The following CDKAL1 variants were observed in gnomAD, a reference collection of about 807,000 sequenced individuals.
The protein encoded by CDKAL1 is CDKAL1 threonylcarbamoyladenosine tRNA methylthiotransferase.
CDKAL1 carries 32 observed loss-of-function variants against 68.2 expected under a neutral mutation model. The ratio of observed to expected loss-of-function variants is 0.47; its 90% confidence interval spans 0.35 to 0.63. The LOEUF is 0.63. CDKAL1 is among the 30% of genes least tolerant of loss of function. CDKAL1 has a pLI of 0.00. For synonymous variants in CDKAL1, 234 were observed against 244.3 expected, an observed-to-expected ratio of 0.96 and a Z score of 0.39; for missense variants, 606 against 696.7, an observed-to-expected ratio of 0.87 and a Z score of 1.47.
chr6:20,812,120 T>A (rs1253948916), intron 8 of CDKAL1, among the ~76,000 whole-genome samples: 5 of 152,340 alleles, frequency 3.3e-5, no homozygotes, highest in South Asian at 4.1e-4. Context: ...AGAATTTTTT[T>A]AAAAATTTGG....
At chr6:21,167,822 G>A (rs1436900376) in intron 13 of CDKAL1, among the ~76,000 whole-genome samples, 1 of 152,160 alleles carries the variant, frequency 6.6e-6, no homozygotes, top group Non-Finnish European at 1.5e-5. Flanking sequence ...TACTCAAGGA[G>A]ACACAAGGCA....
intron 6 of CDKAL1, among the ~76,000 whole-genome samples, chr6:20,755,448 A>T (rs1774127167): frequency 1.3e-5 from 2 of 148,922 alleles, no homozygotes; most frequent in Non-Finnish European, 1.5e-5. Context: ...TTTCCCCTTC[A>T]TTTTTTTCTT....
intron 12 of CDKAL1, among the ~76,000 whole-genome samples, chr6:21,103,433 A>G (rs1411502479): frequency 4.3e-5 from 4 of 93,182 alleles, no homozygotes; most frequent in East Asian, 3.4e-4. Flanking sequence ...AAACTTGAGT[A>G]TAAGAAAAAA....
At chr6:20,808,729 G>A (rs1776674898) in intron 8 of CDKAL1, among the ~76,000 whole-genome samples, 1 of 152,056 alleles carries the variant, frequency 6.6e-6, no homozygotes, top group Non-Finnish European at 1.5e-5. Flanking sequence ...ATTAGTATGA[G>A]GTAGTAACAG....
intron 4 of CDKAL1, among the ~76,000 whole-genome samples, chr6:20,551,471 C>T (rs1027045692): frequency 2.7e-5 from 4 of 150,626 alleles, no homozygotes; most frequent in Admixed American, 1.3e-4. Flanking sequence ...GGGTTCATGT[C>T]GTTCTCCTGC....
chr6:20,537,592 G>A (rs1763224903), intron 2 of CDKAL1, among the ~76,000 whole-genome samples: 1 of 144,410 alleles, frequency 6.9e-6, no homozygotes, highest in Non-Finnish European at 1.5e-5. Flanking sequence ...GGCAGCAAGA[G>A]TGAAACTCTG....
chr6:20,873,281 GA>G (rs1394060914), intron 9 of CDKAL1, among the ~76,000 whole-genome samples: 2 of 152,138 alleles, frequency 1.3e-5, no homozygotes, highest in Admixed American at 1.3e-4. Flanking sequence ...AATTACCTAG[GA>G]AGCTTATCAA....
chr6:21,222,465 C>G (rs1779574035), intron 15 of CDKAL1, among the ~76,000 whole-genome samples: 1 of 152,168 alleles, frequency 6.6e-6, no homozygotes, highest in African/African-American at 2.4e-5. Context: ...ATTTGTTGAT[C>G]CTGTTACATT....
chr6:20,642,016 C>T (rs1254602890), intron 4 of CDKAL1, among the ~76,000 whole-genome samples: 5 of 152,276 alleles, frequency 3.3e-5, no homozygotes, highest in African/African-American at 1.2e-4. Context: ...TTTGCTTGCA[C>T]TGGATAGTAT....
At chr6:20,579,750 C>T (rs993959986) in intron 4 of CDKAL1, among the ~76,000 whole-genome samples, 5 of 152,198 alleles carry the variant, frequency 3.3e-5, no homozygotes, top group African/African-American at 1.2e-4. Flanking sequence ...CTAACATGCT[C>T]CTCATTCGTC....
Position 20,610,984 on chromosome 6 carries a change from CT to C in CDKAL1, c.287-38308del, listed in dbSNP as rs555020615. Among the ~76,000 whole-genome samples, 93 of 152,244 alleles carry C rather than the reference CT, an allele frequency of 6.1e-4. 1 individual carries two copies. Among genetic ancestry groups the C allele is most frequent in the Admixed American group, 6.0e-3 (91 of 15,282 alleles). On this transcript the variant is annotated intron_variant, in intron 4 of 15. Coordinates refer to ENST00000274695, the MANE Select transcript of CDKAL1 (RefSeq NM_017774.3). Reference sequence around the variant, plus strand: ...ACCACCACGCCTGACTAGAATGGGTCTAAATGTTTAGATTCAAAGTCATTTT... The same window carrying C: ...ACCACCACGCCTGACTAGAATGGGTCAAATGTTTAGATTCAAAGTCATTTT...
At chr6:20,797,049 CT>C (rs1022830297) in intron 8 of CDKAL1, among the ~76,000 whole-genome samples, 2 of 152,152 alleles carry the variant, frequency 1.3e-5, no homozygotes. Flanking sequence ...AAATTAACAA[CT>C]TTTGCTCTGT....
intron 8 of CDKAL1, among the ~76,000 whole-genome samples, chr6:20,781,758 ACCTTGATTTAAAGT>A (rs1161356367): frequency 3.3e-5 from 5 of 151,644 alleles, no homozygotes; most frequent in Non-Finnish European, 7.4e-5. Context: ...TAATTTCCAC[ACCTTGATTTAAAGT>A]CCTTGATTAT....
intron 13 of CDKAL1, among the ~76,000 whole-genome samples, chr6:21,141,374 C>T (rs1416111981): frequency 6.6e-6 from 1 of 152,198 alleles, no homozygotes. Context: ...GGCATCTTTA[C>T]GTGCCTTCAA....
intron 8 of CDKAL1, among the ~76,000 whole-genome samples, chr6:20,792,636 T>C (rs535465779): frequency 2.1e-4 from 32 of 152,334 alleles, no homozygotes; most frequent in African/African-American, 7.5e-4. Flanking sequence ...TGGATTTATT[T>C]ATTTAGGACC....
chr6:20,820,418 T>C (rs1166909642), intron 8 of CDKAL1, among the ~76,000 whole-genome samples: 1 of 152,158 alleles, frequency 6.6e-6, no homozygotes, highest in Non-Finnish European at 1.5e-5. Flanking sequence ...TAAGGACTTA[T>C]ATTATTCTGA....
intron 9 of CDKAL1, among the ~76,000 whole-genome samples, chr6:20,912,494 T>C (rs1762511603): frequency 6.6e-6 from 1 of 152,174 alleles, no homozygotes; most frequent in African/African-American, 2.4e-5. Context: ...GTGGAGTTGA[T>C]GCCCTGATTC....
chr6:20,949,120 T>C (rs1764402114), intron 9 of CDKAL1, among the ~76,000 whole-genome samples: 1 of 152,158 alleles, frequency 6.6e-6, no homozygotes, highest in East Asian at 1.9e-4. Flanking sequence ...CAATAAAAAA[T>C]AGTGTTAAAG....
intron 15 of CDKAL1, among the ~76,000 whole-genome samples, chr6:21,223,693 G>T (rs1779619361): frequency 6.6e-6 from 1 of 152,032 alleles, no homozygotes; most frequent in Non-Finnish European, 1.5e-5. Context: ...AAGTAGAAAT[G>T]CAAATACCAG....
Sources: allele counts gnomAD v4.1 joint callset (sites outside exome capture counted in the v4.1 genomes callset), GRCh38; gene constraint gnomAD v4.1.1; transcripts MANE v1.5; gene names NCBI Gene and HGNC (gene_info 2026-07-23, HGNC 2026-07-21).